MDGA2: variants seen among roughly 807,000 people sequenced by gnomAD.
MDGA2 encodes MAM domain containing glycosylphosphatidylinositol anchor 2, also known as MAM domain-containing glycosylphosphatidylinositol anchor protein 2.
In MDGA2, 40 loss-of-function variants were observed where a neutral mutation model predicts 117.8. The ratio of observed to expected loss-of-function variants is 0.34; its 90% CI spans 0.26 to 0.44. The LOEUF (loss-of-function observed/expected upper bound fraction) is 0.44, where lower values mean the gene tolerates loss of function less well. Among genes scored for constraint, MDGA2 ranks in the 20% least tolerant of loss-of-function variants. MDGA2 has a pLI of 1.00. For missense variants in MDGA2, 1,123 were observed against 1,250.6 expected, an observed-to-expected ratio of 0.90 and a Z score of 1.54; for synonymous variants, 452 against 439.0, an observed-to-expected ratio of 1.03 and a Z score of -0.37.
chr14:47,035,686 G>A (rs990643864), intron 7 of MDGA2, among the ~76,000 whole-genome samples: 5 of 151,978 alleles, frequency 3.3e-5, no homozygotes, highest in African/African-American at 1.2e-4. Context: ...AGTCAGAAAG[G>A]GAAAAAGAGA....
intron 3 of MDGA2, among the ~76,000 whole-genome samples, chr14:47,184,609 T>C (rs1884839131): frequency 6.6e-6 from 1 of 151,872 alleles, no homozygotes; most frequent in Non-Finnish European, 1.5e-5. Flanking sequence ...TATGGCTATA[T>C]AGAACAAATA....
chr14:47,322,875 C>G (rs1350210246), intron 1 of MDGA2, among the ~76,000 whole-genome samples: 2 of 151,874 alleles, frequency 1.3e-5, no homozygotes, highest in Non-Finnish European at 2.9e-5. Flanking sequence ...TAACGTAAAC[C>G]TCCCTCTCCC....
At chr14:47,560,369 C>A (rs909696506) in intron 1 of MDGA2, among the ~76,000 whole-genome samples, 1 of 152,096 alleles carries the variant, frequency 6.6e-6, no homozygotes, top group Non-Finnish European at 1.5e-5. Flanking sequence ...CCGCGCCCAG[C>A]CTATTTTAGG....
At position 46,840,555 on chromosome 14, in the gene MDGA2, A is replaced by T. The variant is rs758603479; in HGVS notation, c.*1376T>A. Reference sequence around the variant, plus strand: ...GTTTTTATAATCTTGGTAAAATAATAAAATAATATTTCACAATTTGCACAG... The same window carrying T: ...GTTTTTATAATCTTGGTAAAATAATTAAATAATATTTCACAATTTGCACAG... On this transcript the variant is annotated 3_prime_UTR_variant, in exon 17 of 17. Transcript: ENST00000399232. The T allele has an allele frequency of 4.6e-5, 7 of 152,564 alleles. No homozygotes were observed. Among genetic ancestry groups the T allele is most frequent in the Non-Finnish European group, 8.8e-5 (6 of 68,000 alleles). 9.5% of individuals were successfully genotyped at this position (152,564 alleles called of 1,614,324 possible).
At chr14:47,628,536 G>A (rs2138216801) in intron 1 of MDGA2, among the ~76,000 whole-genome samples, 1 of 152,312 alleles carries the variant, frequency 6.6e-6, no homozygotes, top group East Asian at 1.9e-4. Flanking sequence ...GTATAATACA[G>A]AACTGCCTAT....
intron 3 of MDGA2, among the ~76,000 whole-genome samples, chr14:47,190,367 C>G (rs1459684503): frequency 1.3e-5 from 2 of 152,100 alleles, no homozygotes; most frequent in South Asian, 2.1e-4. Context: ...GTCCTTTGGG[C>G]TGAAATATTA....
intron 3 of MDGA2, among the ~76,000 whole-genome samples, chr14:47,182,734 AT>A (rs1884758552): frequency 6.6e-6 from 1 of 152,204 alleles, no homozygotes; most frequent in Non-Finnish European, 1.5e-5. Context: ...TTAGTTGAAA[AT>A]AACACCAACA....
intron 3 of MDGA2, among the ~76,000 whole-genome samples, chr14:47,164,831 G>C (rs1484934768): frequency 6.6e-6 from 1 of 152,162 alleles, no homozygotes; most frequent in Non-Finnish European, 1.5e-5. Context: ...ATTCACAATA[G>C]CAAAGACTGG....
chr14:47,574,016 T>C (rs1896068541), intron 1 of MDGA2, among the ~76,000 whole-genome samples: 3 of 152,204 alleles, frequency 2.0e-5, no homozygotes, highest in Admixed American at 2.0e-4. Context: ...CTTTTCTCTT[T>C]GTTATGCTGA....
At position 46,845,790 on chromosome 14, in the gene MDGA2, C is replaced by T. The variant is rs1335431204; in HGVS notation, c.2965G>A (p.Ala989Thr). The T allele has an allele frequency of 1.9e-6, 3 of 1,612,796 alleles. No individual in the cohort carries two copies. Among genetic ancestry groups the T allele is most frequent in the Non-Finnish European group, 2.5e-6 (3 of 1,179,194 alleles). Residue 989 changes from alanine to threonine, a missense_variant, in exon 16 of 17, where the codon GCA becomes ACA. Transcript: ENST00000399232. ...DDVSIAEGEC[A>T]KQDLATKNSV... ...CTCTTAGTTGCTAGGTCTTGTTTTG[C>T]ACATTCTCCTTCTGCAATTGATACA...
Position 46,957,354 on chromosome 14 carries a change from G to T in MDGA2, c.2089+20C>A. 6.2e-7 allele frequency: 1 copy of T among 1,603,094 alleles called. No individual in the cohort carries two copies. The highest frequency in any genetic ancestry group is 2.2e-5 in the East Asian group (1 of 44,738). ...TCTAATAAAACAAAATGTATAAAAA[G>T]AAAATATCTGGAATCCTACCTGTAA... is the stretch of plus-strand genomic sequence containing the variant. On this transcript the variant is annotated intron_variant, in intron 9 of 16. Transcript: ENST00000399232.
In MDGA2 at chr14:46,987,384, A is replaced by C. The variant is rs186451791; in HGVS notation, c.1820-29741T>G. 5.9e-5 allele frequency among the ~76,000 whole-genome samples: 9 copies of C among 152,220 alleles called. No individual in the cohort carries two copies. The East Asian group carries it at 1.7e-3, about 29-fold the overall frequency. On this transcript the variant is annotated intron_variant, in intron 8 of 16. Transcript: ENST00000399232. Reference sequence around the variant, plus strand: ...TGAGAATTCGACACAAAAATGTCTAATGTACAGAATGTTGTTATTCACTAT... The same window carrying C: ...TGAGAATTCGACACAAAAATGTCTACTGTACAGAATGTTGTTATTCACTAT...
intron 1 of MDGA2, among the ~76,000 whole-genome samples, chr14:47,430,748 A>G (rs754643150): frequency 2.6e-5 from 4 of 152,126 alleles, no homozygotes; most frequent in Non-Finnish European, 4.4e-5. Flanking sequence ...TATTCATTCA[A>G]ATGATGGCAT....
At chr14:47,180,026 TTTATTTTAAA>T (rs1008483467) in intron 3 of MDGA2, among the ~76,000 whole-genome samples, 6 of 95,338 alleles carry the variant, frequency 6.3e-5, no homozygotes, top group African/African-American at 2.9e-4. Flanking sequence ...TTCTTTAACT[TTTATTTTAAA>T]CTTTTATTTT....
At chr14:47,097,186 C>A in intron 5 of MDGA2, 63 bp from the exon 6 acceptor site, 1 of 1,541,512 alleles carries the variant, frequency 6.5e-7, no homozygotes. Context: ...AATTCAACAG[C>A]ATGCATTATA....
At chr14:47,177,626 A>G (rs1377719698) in intron 3 of MDGA2, among the ~76,000 whole-genome samples, 2 of 152,158 alleles carry the variant, frequency 1.3e-5, no homozygotes, top group Non-Finnish European at 2.9e-5. Flanking sequence ...CAGGAAGGGG[A>G]ACATCACACT....
At chr14:47,178,739 A>G (rs1884580488) in intron 3 of MDGA2, among the ~76,000 whole-genome samples, 2 of 152,158 alleles carry the variant, frequency 1.3e-5, no homozygotes, top group Admixed American at 1.3e-4. Flanking sequence ...TGTTATAGAA[A>G]TGTGATTAAC....
intron 1 of MDGA2, among the ~76,000 whole-genome samples, chr14:47,409,794 A>G (rs1157183900): frequency 1.3e-5 from 2 of 152,282 alleles, no homozygotes; most frequent in Admixed American, 6.5e-5. Flanking sequence ...AAGACAGTCA[A>G]TTTGTAATAT....
chr14:47,575,978 T>TTA (rs1566523376), intron 1 of MDGA2, among the ~76,000 whole-genome samples: 2 of 152,170 alleles, frequency 1.3e-5, no homozygotes, highest in East Asian at 1.9e-4. Flanking sequence ...TGAAGAACTA[T>TTA]TATATATATT....
Sources: allele counts gnomAD v4.1 joint callset (sites outside exome capture counted in the v4.1 genomes callset), GRCh38; gene constraint gnomAD v4.1.1; transcripts MANE v1.5; gene names NCBI Gene and HGNC (gene_info 2026-07-23, HGNC 2026-07-21).